The following PEX5L variants were observed in gnomAD, a reference collection of about 807,000 sequenced individuals.
PEX5L encodes the protein PEX5-related protein.
In PEX5L, 30 loss-of-function variants were observed where a neutral mutation model predicts 84.0. That is an observed-to-expected ratio of 0.36 (90% CI 0.27 to 0.48). The LOEUF is 0.48. PEX5L is among the 20% of genes least tolerant of loss of function. The pLI is 0.99. For missense variants in PEX5L, 533 were observed against 754.6 expected (o/e 0.71, Z 3.44); for synonymous variants, 270 against 283.1 (o/e 0.95, Z 0.46).
chr3:179,852,589 T>C (rs535231353), intron 8 of PEX5L, among the ~76,000 whole-genome samples: 3 of 152,352 alleles, frequency 2.0e-5, no homozygotes, highest in East Asian at 3.9e-4. Flanking sequence ...GCCAGAGTTC[T>C]AGAATTTAAA....
At chr3:179,861,122 G>A (rs1332646015) in intron 7 of PEX5L, among the ~76,000 whole-genome samples, 2 of 152,212 alleles carry the variant, frequency 1.3e-5, no homozygotes, top group Non-Finnish European at 2.9e-5. Flanking sequence ...ATTAATTTAT[G>A]TTTCCTCCTC....
rs536051606 is a variant in PEX5L at position 179,859,622 on chromosome 3, G to A, written c.727-465C>T. 2.0e-5 allele frequency among the ~76,000 whole-genome samples: 3 copies of A among 152,284 alleles called. No individual in the cohort carries two copies. In the South Asian group the frequency reaches 6.2e-4, roughly 32 times the overall value. ...TGCAGAAATGAAAGTGTGGCTTCCA[G>A]GCCTTTCTCCGTATGTACACAGCAG... On this transcript the variant is annotated intron_variant, in intron 7 of 14. Coordinates refer to ENST00000467460, the MANE Select transcript of PEX5L (RefSeq NM_016559.3).
At chr3:179,890,066 A>G (rs530727927) in intron 3 of PEX5L, among the ~76,000 whole-genome samples, 1 of 152,300 alleles carries the variant, frequency 6.6e-6, no homozygotes, top group Admixed American at 6.5e-5. Flanking sequence ...GTACATATGT[A>G]ACAGTTTCCA....
At chr3:179,993,251 A>G (rs562470733) in intron 1 of PEX5L, among the ~76,000 whole-genome samples, 1 of 152,256 alleles carries the variant, frequency 6.6e-6, no homozygotes, top group Non-Finnish European at 1.5e-5. Flanking sequence ...TTTTTCATCA[A>G]TTTGCACAAG....
At chr3:179,914,355 A>C (rs1483730084) in intron 2 of PEX5L, among the ~76,000 whole-genome samples, 2 of 152,214 alleles carry the variant, frequency 1.3e-5, no homozygotes, top group African/African-American at 2.4e-5. Flanking sequence ...CTAGAGGTCC[A>C]AGTTACTGTG....
chr3:179,877,060 T>C (rs1162560015), intron 5 of PEX5L, among the ~76,000 whole-genome samples: 1 of 152,230 alleles, frequency 6.6e-6, no homozygotes, highest in Non-Finnish European at 1.5e-5. Flanking sequence ...GTTCTGACTG[T>C]GACTTATCAC....
intron 4 of PEX5L, among the ~76,000 whole-genome samples, chr3:179,882,558 G>A (rs746415149): frequency 6.6e-6 from 1 of 152,180 alleles, no homozygotes; most frequent in African/African-American, 2.4e-5. Context: ...TGCAGAGTAC[G>A]TTTTCAAAAG....
chr3:180,016,010 T>C (rs540930249), intron 1 of PEX5L, among the ~76,000 whole-genome samples: 1 of 152,036 alleles, frequency 6.6e-6, no homozygotes, highest in South Asian at 2.1e-4. Context: ...AGAGAAATAA[T>C]GGCTGATAGT....
At chr3:179,946,436 T>C (rs1777565357) in intron 2 of PEX5L, among the ~76,000 whole-genome samples, 1 of 152,152 alleles carries the variant, frequency 6.6e-6, no homozygotes, top group South Asian at 2.1e-4. Flanking sequence ...CCAACTGAAA[T>C]TCCTTGTTTA....
At chr3:179,813,325 G>A (rs528083361) in intron 10 of PEX5L, among the ~76,000 whole-genome samples, 2 of 151,942 alleles carry the variant, frequency 1.3e-5, no homozygotes, top group Non-Finnish European at 1.5e-5. Flanking sequence ...ATCTGAGATC[G>A]TAATATGTCC....
At chr3:179,986,397 ATTT>A (rs11344304) in intron 1 of PEX5L, among the ~76,000 whole-genome samples, 3,632 of 111,046 alleles carry the variant, frequency 0.033, 92 homozygotes, top group African/African-American at 0.11. Flanking sequence ...CCATTTAGTA[ATTT>A]TTTTTTTTTT....
At chr3:179,923,274 G>C (rs1402090781) in intron 2 of PEX5L, among the ~76,000 whole-genome samples, 15 of 128,670 alleles carry the variant, frequency 1.2e-4, no homozygotes, top group African/African-American at 6.1e-5. Flanking sequence ...CTGGGCGACA[G>C]AGCGAGACTC....
At chr3:179,968,773 C>T (rs535158430) in intron 2 of PEX5L, among the ~76,000 whole-genome samples, 2 of 151,536 alleles carry the variant, frequency 1.3e-5, no homozygotes, top group South Asian at 4.2e-4. Context: ...TACCATAAGA[C>T]ATCAACACTC....
chr3:180,034,097 T>C (rs1260548520), intron 1 of PEX5L, among the ~76,000 whole-genome samples: 1 of 152,216 alleles, frequency 6.6e-6, no homozygotes, highest in African/African-American at 2.4e-5. Context: ...ACAGGAGTTT[T>C]AAATTAGACT....
intron 3 of PEX5L, chr3:179,895,627 T>C (rs1759015439): frequency 6.6e-6 from 1 of 152,100 alleles, no homozygotes; most frequent in South Asian, 2.1e-4. Flanking sequence ...ATTATTCAAT[T>C]TGTTTGGTGT....
At chr3:179,923,008 G>C (rs1199630190) in intron 2 of PEX5L, among the ~76,000 whole-genome samples, 1 of 151,780 alleles carries the variant, frequency 6.6e-6, no homozygotes, top group African/African-American at 2.4e-5. Context: ...ACCTCAAGTG[G>C]GCCAGGCACA....
intron 8 of PEX5L, among the ~76,000 whole-genome samples, chr3:179,854,479 A>T (rs1377086753): frequency 6.6e-6 from 1 of 152,170 alleles, no homozygotes; most frequent in Admixed American, 6.5e-5. Flanking sequence ...CTGCATTCTT[A>T]TAAATGTGTC....
chr3:179,819,369 T>C (rs16830848), intron 9 of PEX5L, among the ~76,000 whole-genome samples: 8,072 of 152,228 alleles, frequency 0.053, 694 homozygotes, highest in African/African-American at 0.18. Flanking sequence ...GGACTTTACC[T>C]GGTTGTGTGA....
intron 14 of PEX5L, among the ~76,000 whole-genome samples, chr3:179,807,466 C>G (rs1420277390): frequency 6.6e-6 from 1 of 152,220 alleles, no homozygotes; most frequent in African/African-American, 2.4e-5. Flanking sequence ...GCGGAGCCAA[C>G]TGCTGCTCTC....
Sources: allele counts gnomAD v4.1 joint callset (sites outside exome capture counted in the v4.1 genomes callset), GRCh38; gene constraint gnomAD v4.1.1; transcripts MANE v1.5; gene names NCBI Gene and HGNC (gene_info 2026-07-23, HGNC 2026-07-21).